The following DRC1 variants were observed in gnomAD, a reference collection of about 807,000 sequenced individuals.
The protein encoded by DRC1 is dynein regulatory complex subunit 1, also known as dynein regulatory complex protein 1.
Under a neutral mutation model 98.7 loss-of-function variants are expected in DRC1, and 74 were observed. The observed-to-expected ratio is 0.75, with a 90% CI of 0.62 to 0.91. The LOEUF (loss-of-function observed/expected upper bound fraction) is 0.91. Among genes scored for constraint, DRC1 ranks in the 40% least tolerant of loss-of-function variants. The pLI, the probability that DRC1 is intolerant of heterozygous loss-of-function variation, is 0.00. For synonymous variants in DRC1, 336 were observed against 334.1 expected (o/e 1.01, Z -0.06); for missense variants, 875 against 886.0 (o/e 0.99, Z 0.16).
intron 2 of DRC1, among the ~76,000 whole-genome samples, chr2:26,415,844 A>G (rs574403007): frequency 1.4e-3 from 215 of 150,226 alleles, no homozygotes; most frequent in Admixed American, 2.6e-3. Context: ...AGGCAGGAGG[A>G]TTCCTTGAAC....
At chr2:26,431,611 CT>C (rs145806664) in intron 6 of DRC1, among the ~76,000 whole-genome samples, 16 of 148,238 alleles carry the variant, frequency 1.1e-4, no homozygotes, top group African/African-American at 3.5e-4. Flanking sequence ...AATTTCTTTT[CT>C]TTTTTTTTTC....
chr2:26,434,565 C>T (rs1296112681), intron 7 of DRC1, among the ~76,000 whole-genome samples: 2 of 152,204 alleles, frequency 1.3e-5, no homozygotes, highest in Admixed American at 1.3e-4. Flanking sequence ...CAAAGTACAG[C>T]TCCTGCCCTC....
chr2:26,423,866 C>T (rs369808704), intron 3 of DRC1, among the ~76,000 whole-genome samples: 19 of 152,224 alleles, frequency 1.2e-4, no homozygotes, highest in Admixed American at 6.5e-4. Context: ...GCAACTTGTC[C>T]GAAAGGTTGA....
Position 26,430,840 on chromosome 2 carries a change from G to T in DRC1, c.733G>T (p.Glu245Ter). The T allele has an allele frequency of 1.2e-6, 2 of 1,614,116 alleles. No homozygotes were observed. The highest frequency in any genetic ancestry group is 1.7e-6 in the Non-Finnish European group (2 of 1,180,014). Residue 245 changes from glutamate to a stop codon, truncating the protein, a stop_gained, in exon 6 of 17, where the codon GAG (glutamate) becomes TAG (stop). Transcript: ENST00000288710. LOFTEE classifies it high-confidence loss of function. ...ELLASNKKKW[E>*]QALQAHNAKE... is the part of the protein sequence containing the mutation. ...ACTGGCCAGTAATAAGAAGAAATGG[G>T]AGCAAGCCCTTCAGGCTCATAATGC...
chr2:26,454,557 G>T lies in DRC1; in HGVS notation c.1920-90G>T. On this transcript the variant is annotated intron_variant, in intron 14 of 16. Transcript: ENST00000288710. This position sits in a 1 kb window ranked among gnomAD's most constrained non-coding sequence, Gnocchi z 5.2. ...GGACTGCTGAGTGGGAAGGTGACAG[G>T]TGGGAAAGCAGTAGGCCTGTGACTG... 1 of 1,549,566 alleles carries T rather than the reference G, an allele frequency of 6.5e-7. No homozygotes were observed. The highest frequency in any genetic ancestry group is 8.8e-7 in the Non-Finnish European group (1 of 1,141,984).
chr2:26,443,742 ACGGTATCAGCT>A (rs1278380180), intron 8 of DRC1, among the ~76,000 whole-genome samples: 6 of 152,240 alleles, frequency 3.9e-5, no homozygotes, highest in African/African-American at 1.2e-4. Flanking sequence ...GGACCTGTTA[ACGGTATCAGCT>A]CTTTGAGGCT....
Position 26,432,023 on chromosome 2 carries a change from T to C in DRC1, c.888+17T>C. The C allele has an allele frequency of 6.2e-7, 1 of 1,612,108 alleles. No individual in the cohort carries two copies. The highest frequency in any genetic ancestry group is 2.2e-5 in the East Asian group (1 of 44,864). Reference sequence around the variant, plus strand: ...GATGTGCAGGTGCAACAGCTGGTCCTCACTAGGGTGCCTGGGTGGCGGAGC... The same window carrying C: ...GATGTGCAGGTGCAACAGCTGGTCCCCACTAGGGTGCCTGGGTGGCGGAGC... On this transcript the variant is annotated intron_variant, in intron 7 of 16. Coordinates refer to ENST00000288710, the MANE Select transcript of DRC1 (RefSeq NM_145038.5).
At chr2:26,403,162 A>G (rs1373052910) in intron 1 of DRC1, among the ~76,000 whole-genome samples, 1 of 152,200 alleles carries the variant, frequency 6.6e-6, no homozygotes, top group Admixed American at 6.5e-5. Flanking sequence ...CCACAGCAAA[A>G]CTGATCAAAA....
In DRC1 at chr2:26,454,681, G is replaced by A. The variant is rs767632188; in HGVS notation, c.1954G>A (p.Val652Met). ...SRAPLRVQKN[V>M]RDNSKDSEYW... ...GGCCCCGCTGAGGGTACAGAAGAAT[G>A]TGCGTGACAACTCCAAGGACTCGGA... is the stretch of plus-strand genomic sequence containing the variant. The change falls in exon 15 of 17, where the codon GTG becomes ATG. Residue 652 changes from valine (V) to methionine (M), a missense_variant. Val to Met is a conservative substitution (Grantham distance 21). Coordinates refer to ENST00000288710, the MANE Select transcript of DRC1 (RefSeq NM_145038.5). The surrounding 1 kb of genome is among the most constrained non-coding windows in gnomAD (Gnocchi z 5.2). The A allele has an allele frequency of 4.3e-6, 7 of 1,614,026 alleles. No individual in the cohort carries two copies. The African/African-American group carries it at 8.0e-5, about 18-fold the overall frequency.
At position 26,446,706 on chromosome 2, in the gene DRC1, A is replaced by G. The variant is rs375898424; in HGVS notation, c.1396+1758A>G. Reference sequence around the variant, plus strand: ...AAAATATCAGCCCTGCCACCAACAAATGATTACTAAAGACAGTTTACACTG... The same window carrying G: ...AAAATATCAGCCCTGCCACCAACAAGTGATTACTAAAGACAGTTTACACTG... On this transcript the variant is annotated intron_variant, in intron 10 of 16. Transcript: ENST00000288710. 1.1e-4 allele frequency among the ~76,000 whole-genome samples: 16 copies of G among 152,292 alleles called. No homozygotes were observed. The South Asian group carries it at 2.1e-3, about 20-fold the overall frequency.
intron 7 of DRC1, among the ~76,000 whole-genome samples, chr2:26,438,452 T>C (rs1222570636): frequency 6.6e-6 from 1 of 152,138 alleles, no homozygotes; most frequent in Non-Finnish European, 1.5e-5. Flanking sequence ...GTAGGGAAAT[T>C]GAGAGGTAGG....
intron 1 of DRC1, among the ~76,000 whole-genome samples, chr2:26,411,468 G>T (rs1277074412): frequency 6.6e-6 from 1 of 152,168 alleles, no homozygotes; most frequent in Non-Finnish European, 1.5e-5. Flanking sequence ...CACATTTCAA[G>T]TGCTTTATAG....
intron 8 of DRC1, among the ~76,000 whole-genome samples, chr2:26,442,147 T>G (rs753473870): frequency 6.6e-6 from 1 of 152,192 alleles, no homozygotes; most frequent in Non-Finnish European, 1.5e-5. Flanking sequence ...GCCTAAGGCT[T>G]TGGGAGGCCT....
At chr2:26,440,853 C>T (rs1042422381) in intron 8 of DRC1, among the ~76,000 whole-genome samples, 1 of 152,202 alleles carries the variant, frequency 6.6e-6, no homozygotes, top group African/African-American at 2.4e-5. Flanking sequence ...TGTACACACT[C>T]CTGTATATCT....
In DRC1 at chr2:26,440,415, A is replaced by G. The variant is rs1395219877; in HGVS notation, c.926A>G (p.Tyr309Cys). Residue 309 changes from tyrosine (Y) to cysteine (C), a missense_variant, in exon 8 of 17, where the codon TAT (tyrosine) becomes TGT (cysteine). By Grantham distance (194) the Tyr-to-Cys change is radical (BLOSUM62 -2). Coordinates refer to ENST00000288710, the MANE Select transcript of DRC1 (RefSeq NM_145038.5). Reference sequence around the variant, plus strand: ...CAGCTTCAGCAGAGGAAAGCAATTTATCAGCTAAACCAAGAGAAATTAGAG... The same window carrying G: ...CAGCTTCAGCAGAGGAAAGCAATTTGTCAGCTAAACCAAGAGAAATTAGAG... ...EQQLQQRKAI[Y>C]QLNQEKLEYN... is the part of the protein sequence containing the mutation. 5.9e-5 allele frequency: 95 copies of G among 1,612,788 alleles called. No individual in the cohort carries two copies. Among genetic ancestry groups the G allele is most frequent in the Non-Finnish European group, 7.1e-5 (84 of 1,179,614 alleles).
At chr2:26,408,033 C>G (rs970298654) in intron 1 of DRC1, among the ~76,000 whole-genome samples, 23 of 152,282 alleles carry the variant, frequency 1.5e-4, no homozygotes, top group African/African-American at 4.8e-4. Flanking sequence ...TCAAAGCCTG[C>G]TTCTCAGTCT....
intron 4 of DRC1, 58 bp from the exon 5 acceptor site, chr2:26,429,570 T>C: frequency 4.4e-6 from 7 of 1,594,636 alleles, no homozygotes; most frequent in Non-Finnish European, 6.0e-6. Context: ...GAGAGAGTGT[T>C]TGGCACCTTC....
At chr2:26,452,208 G>A (rs998413565) in intron 13 of DRC1, among the ~76,000 whole-genome samples, 19 of 152,170 alleles carry the variant, frequency 1.2e-4, no homozygotes, top group Non-Finnish European at 1.6e-4. Flanking sequence ...CTCCATTGAG[G>A]ACAGTTTGGC....
At chr2:26,455,781 T>C (rs1175081739) in intron 16 of DRC1, among the ~76,000 whole-genome samples, 1 of 152,226 alleles carries the variant, frequency 6.6e-6, no homozygotes, top group Non-Finnish European at 1.5e-5. Context: ...CTGGCCCCCA[T>C]CTGTGCCCAA....
Sources: allele counts gnomAD v4.1 joint callset (sites outside exome capture counted in the v4.1 genomes callset), GRCh38; gene constraint gnomAD v4.1.1; non-coding constraint Gnocchi (gnomAD v3.1); transcripts MANE v1.5; gene names NCBI Gene and HGNC (gene_info 2026-07-23, HGNC 2026-07-21).